RIMS2: variants seen among roughly 807,000 people sequenced by gnomAD.
RIMS2 encodes regulating synaptic membrane exocytosis protein 2.
RIMS2 carries 59 observed loss-of-function variants against 174.4 expected under a neutral mutation model. The observed-to-expected ratio is 0.34, with a 90% confidence interval of 0.27 to 0.42. RIMS2 has a LOEUF of 0.42. Ranked by LOEUF, RIMS2 falls within the 10% of genes least tolerant of loss-of-function variation. The probability of loss-of-function intolerance (pLI) is 1.00; values close to 1 mark genes in which losing one functional copy is unlikely to be tolerated. For synonymous variants in RIMS2, 606 were observed against 572.5 expected (o/e 1.06, Z -0.84); for missense variants, 1,620 against 1,666.3 (o/e 0.97, Z 0.48).
intron 17 of RIMS2, among the ~76,000 whole-genome samples, chr8:103,991,190 T>C (rs1221967809): frequency 6.6e-6 from 1 of 151,758 alleles, no homozygotes; most frequent in Non-Finnish European, 1.5e-5. Flanking sequence ...AAAATGTTCA[T>C]ATAATTATTT....
chr8:104,068,425 T>C, intron 19 of RIMS2, 87 bp from the exon 23 acceptor site: 1 of 604,478 alleles, frequency 1.7e-6, no homozygotes, highest in Non-Finnish European at 2.9e-6. Flanking sequence ...TATACCAGCC[T>C]GGCTTTTCTT....
intron 11 of RIMS2, among the ~76,000 whole-genome samples, chr8:103,930,862 T>C (rs1460886868): frequency 6.6e-6 from 1 of 152,152 alleles, no homozygotes; most frequent in Non-Finnish European, 1.5e-5. Context: ...ATAAACAGGA[T>C]ACTATCTACT....
intron 1 of RIMS2, among the ~76,000 whole-genome samples, chr8:103,573,047 C>A (rs375248586): frequency 6.6e-6 from 1 of 150,596 alleles, no homozygotes; most frequent in Non-Finnish European, 1.5e-5. Context: ...CTTACCCCTA[C>A]ATTTAAGTCT....
At chr8:104,222,106 ACT>A (rs1479143359) in intron 19 of RIMS2, among the ~76,000 whole-genome samples, 4 of 151,820 alleles carry the variant, frequency 2.6e-5, no homozygotes, top group Non-Finnish European at 4.4e-5. Flanking sequence ...CACCCTGACA[ACT>A]CTTTTTGAAT....
chr8:104,152,374 T>C (rs887948344), intron 19 of RIMS2, among the ~76,000 whole-genome samples: 12 of 152,132 alleles, frequency 7.9e-5, no homozygotes, highest in African/African-American at 2.9e-4. Context: ...GACAATAGAA[T>C]TCAGATTATC....
At chr8:103,974,541 C>T (rs2093240681) in intron 15 of RIMS2, among the ~76,000 whole-genome samples, 1 of 152,196 alleles carries the variant, frequency 6.6e-6, no homozygotes, top group South Asian at 2.1e-4. Context: ...CTGTTGTTTT[C>T]CTACCAACTT....
intron 19 of RIMS2, among the ~76,000 whole-genome samples, chr8:104,127,632 T>C (rs1446306332): frequency 1.3e-5 from 2 of 152,156 alleles, no homozygotes. Flanking sequence ...TATGTAATTA[T>C]GATGATAATA....
At chr8:103,800,287 C>A (rs781222812) in intron 3 of RIMS2, among the ~76,000 whole-genome samples, 39 of 151,958 alleles carry the variant, frequency 2.6e-4, no homozygotes, top group Non-Finnish European at 5.4e-4. Context: ...ATGAAAAAAG[C>A]CTTATTTTTT....
chr8:103,845,787 A>G (rs536297474), intron 3 of RIMS2, among the ~76,000 whole-genome samples: 2 of 152,260 alleles, frequency 1.3e-5, no homozygotes, highest in African/African-American at 4.8e-5. Flanking sequence ...ATGGTAGTTC[A>G]TACTTGAGTA....
Position 103,668,602 on chromosome 8 carries a change from A to G in RIMS2, c.177-28484A>G, listed in dbSNP as rs181664473. 7.2e-5 allele frequency among the ~76,000 whole-genome samples: 11 copies of G among 152,184 alleles called. No individual in the cohort carries two copies. In the East Asian group the frequency reaches 1.7e-3, roughly 24 times the overall value. On this transcript the variant is annotated intron_variant, in intron 1 of 23. Transcript: ENST00000504942. Reference sequence around the variant, plus strand: ...TGTGAGTGTGTGCATGCATGTGTGTATTCTATTTGGATCATTTTATCTCCT... The same window carrying G: ...TGTGAGTGTGTGCATGCATGTGTGTGTTCTATTTGGATCATTTTATCTCCT...
In RIMS2 at chr8:103,819,720, A is replaced by G. The variant is rs1289157983; in HGVS notation, c.698+53183A>G. ...AAAAATTGTTTTGTATTGAAGTGCT[A>G]GTGTTATAAAGGTGTTATCTGTTTA... is the stretch of plus-strand genomic sequence containing the variant. On this transcript the variant is annotated intron_variant, in intron 3 of 23. Coordinates refer to ENST00000504942, the Ensembl canonical transcript of RIMS2. The G allele has an allele frequency of 6.5e-6, 6 of 924,906 alleles. No individual in the cohort carries two copies. The South Asian group carries it at 9.7e-5, about 15-fold the overall frequency. 57.3% of individuals were successfully genotyped at this position (924,906 alleles called of 1,614,324 possible). A position where few individuals can be genotyped will look rare whatever the true frequency, so the allele number is the denominator to read the frequency against.
chr8:103,588,596 A>T (rs1332703041), intron 1 of RIMS2, among the ~76,000 whole-genome samples: 1 of 152,156 alleles, frequency 6.6e-6, no homozygotes, highest in South Asian at 2.1e-4. Context: ...GAACCCAGAA[A>T]GAAATCCATA....
At chr8:103,557,713 A>G (rs2090752187) in intron 1 of RIMS2, among the ~76,000 whole-genome samples, 1 of 152,200 alleles carries the variant, frequency 6.6e-6, no homozygotes, top group African/African-American at 2.4e-5. Context: ...TTTTTATTCA[A>G]CACTTTTCAC....
At chr8:103,953,269 T>G (rs968634043) in intron 14 of RIMS2, among the ~76,000 whole-genome samples, 5 of 152,074 alleles carry the variant, frequency 3.3e-5, no homozygotes, top group African/African-American at 1.2e-4. Flanking sequence ...AGATACTCCT[T>G]GAGAAGAGCA....
intron 17 of RIMS2, among the ~76,000 whole-genome samples, chr8:103,999,091 A>T (rs1449022536): frequency 6.6e-6 from 1 of 151,788 alleles, no homozygotes; most frequent in Non-Finnish European, 1.5e-5. Context: ...AGGCTTAGCT[A>T]GTATAAATTA....
intron 1 of RIMS2, among the ~76,000 whole-genome samples, chr8:103,581,452 C>T (rs977702075): frequency 2.0e-5 from 3 of 152,122 alleles, no homozygotes; most frequent in Non-Finnish European, 4.4e-5. Flanking sequence ...CCTCAACACA[C>T]TGAATGTAGA....
intron 3 of RIMS2, among the ~76,000 whole-genome samples, chr8:103,852,916 T>C (rs2099007312): frequency 6.6e-6 from 1 of 152,094 alleles, no homozygotes; most frequent in South Asian, 2.1e-4. Flanking sequence ...TTTGGTTATA[T>C]ACCCAGTAAT....
At chr8:103,949,110 G>C in intron 14 of RIMS2, among the ~76,000 whole-genome samples, 1 of 110,604 alleles carries the variant, frequency 9.0e-6, no homozygotes, top group Non-Finnish European at 1.7e-5. Flanking sequence ...CTGGGCAACA[G>C]AGTGAGACTC....
intron 19 of RIMS2, among the ~76,000 whole-genome samples, chr8:104,183,274 A>G (rs1023580347): frequency 6.6e-6 from 1 of 151,806 alleles, no homozygotes; most frequent in Non-Finnish European, 1.5e-5. Context: ...TCAAAGTTAA[A>G]TTTGCAATTC....
Sources: allele counts gnomAD v4.1 joint callset (sites outside exome capture counted in the v4.1 genomes callset), GRCh38; gene constraint gnomAD v4.1.1; transcripts MANE v1.5; gene names NCBI Gene and HGNC (gene_info 2026-07-23, HGNC 2026-07-21).